Variants in ABLIM1 observed in about 807,000 individuals in gnomAD.
The protein encoded by ABLIM1 is actin-binding LIM protein 1.
Under a neutral mutation model 107.0 loss-of-function variants are expected in ABLIM1, and 40 were observed. That is an observed-to-expected ratio of 0.37 (90% confidence interval 0.29 to 0.49). ABLIM1 has a LOEUF of 0.49. ABLIM1 is among the 20% of genes least tolerant of loss of function. The pLI is 0.97. For missense variants in ABLIM1, 857 were observed against 1,008.5 expected (o/e 0.85, Z 2.04); for synonymous variants, 357 against 357.3 (o/e 1.00, Z 0.01).
intron 1 of ABLIM1, among the ~76,000 whole-genome samples, chr10:114,680,105 G>A (rs7083240): frequency 1 from 152,323 of 152,328 alleles, 76,159 homozygotes; most frequent in Non-Finnish European, 1. Flanking sequence ...TCATAGCACT[G>A]TTCAACGTTA....
At chr10:114,801,095 G>A in the ABLIM1 span, among the ~76,000 whole-genome samples, 2 of 152,010 alleles carry the variant, frequency 1.3e-5, no homozygotes, top group South Asian at 4.1e-4. Context: ...TTATAATAAA[G>A]TAAGCCAGAG....
chr10:114,530,799 G>T (rs538674691), intron 6 of ABLIM1, among the ~76,000 whole-genome samples: 1 of 152,216 alleles, frequency 6.6e-6, no homozygotes, highest in Non-Finnish European at 1.5e-5. Context: ...CTCCCAAAGT[G>T]CTGGGATTAT....
chr10:114,599,915 T>G (rs2075818445), intron 2 of ABLIM1, among the ~76,000 whole-genome samples: 1 of 152,156 alleles, frequency 6.6e-6, no homozygotes, highest in Admixed American at 6.5e-5. Context: ...TCAATAAATT[T>G]ATGAGAAAAA....
intron 1 of ABLIM1, among the ~76,000 whole-genome samples, chr10:114,713,736 A>G (rs2081602225): frequency 6.6e-6 from 1 of 152,182 alleles, no homozygotes; most frequent in Admixed American, 6.5e-5. Flanking sequence ...CTTAAAGAAC[A>G]CTTCACTCCT....
At chr10:114,768,271 C>T (rs1295649510), upstream of ABLIM1, among the ~76,000 whole-genome samples, 1 of 146,664 alleles carries the variant, frequency 6.8e-6, no homozygotes, top group African/African-American at 2.4e-5. Context: ...AGGGACCCGC[C>T]GGGCGCGGCA....
At chr10:114,620,455 G>A (rs1396860025) in intron 1 of ABLIM1, among the ~76,000 whole-genome samples, 1 of 152,098 alleles carries the variant, frequency 6.6e-6, no homozygotes, top group East Asian at 1.9e-4. Context: ...TATCGCCCAG[G>A]CTGGAGTGCA....
chr10:114,672,617 T>A (rs1260042300), intron 1 of ABLIM1, among the ~76,000 whole-genome samples: 1 of 152,246 alleles, frequency 6.6e-6, no homozygotes, highest in Admixed American at 6.5e-5. Context: ...GATGAACAAC[T>A]CCTAATGTTA....
chr10:114,526,827 C>G, intron 6 of ABLIM1: 1 of 985,430 alleles, frequency 1.0e-6, no homozygotes. Context: ...GGCTTCTCTC[C>G]GAAGCTCGGC....
chr10:114,538,745 C>A (rs1344437739), intron 6 of ABLIM1, among the ~76,000 whole-genome samples: 1 of 152,228 alleles, frequency 6.6e-6, no homozygotes, highest in Non-Finnish European at 1.5e-5. Flanking sequence ...TCCCGTGCAG[C>A]CTGGCAGGTG....
intron 1 of ABLIM1, among the ~76,000 whole-genome samples, chr10:114,669,414 G>A (rs1001649031): frequency 2.0e-5 from 3 of 152,116 alleles, no homozygotes; most frequent in Admixed American, 6.6e-5. Flanking sequence ...TCACCTAAGA[G>A]GATGCAGATT....
At chr10:114,795,484 A>C in the ABLIM1 span, among the ~76,000 whole-genome samples, 1,593 of 152,278 alleles carry the variant, frequency 0.01, 17 homozygotes, top group African/African-American at 0.035. Flanking sequence ...AAGTGGGCGG[A>C]TCACCTGAGG....
chr10:114,558,392 C>T (rs2069098096), intron 4 of ABLIM1, among the ~76,000 whole-genome samples: 1 of 152,152 alleles, frequency 6.6e-6, no homozygotes, highest in South Asian at 2.1e-4. Context: ...TTAATACCAA[C>T]TCAGACCCCA....
At chr10:114,641,906 A>T (rs1316008764) in intron 1 of ABLIM1, among the ~76,000 whole-genome samples, 1 of 147,440 alleles carries the variant, frequency 6.8e-6, no homozygotes, top group Non-Finnish European at 1.5e-5. Context: ...GTTTTGAGAC[A>T]AGGTATCACT....
rs144623216 is a variant in ABLIM1, at chr10:114,711,187, C to T, written c.-213+56874G>A. 7.4e-4 allele frequency among the ~76,000 whole-genome samples: 113 copies of T among 152,316 alleles called. 1 individual carries two copies. The East Asian group carries it at 0.011, about 15-fold the overall frequency. On this transcript the variant is annotated intron_variant, in intron 1 of 15. Transcript: ENST00000651092. Reference sequence around the variant, plus strand: ...ATTTCTGGTTGTTACACGTAAGGAACGGAATGGCTTCTGCTTTCCAGGCTC... The same window carrying T: ...ATTTCTGGTTGTTACACGTAAGGAATGGAATGGCTTCTGCTTTCCAGGCTC...
intron 6 of ABLIM1, among the ~76,000 whole-genome samples, chr10:114,534,312 G>A (rs1326771990): frequency 3.9e-5 from 6 of 152,112 alleles, no homozygotes; most frequent in Non-Finnish European, 5.9e-5. Flanking sequence ...GGACTACTCT[G>A]GGGACATCAT....
intron 4 of ABLIM1, among the ~76,000 whole-genome samples, chr10:114,568,307 G>T (rs979001495): frequency 2.0e-5 from 3 of 151,968 alleles, no homozygotes; most frequent in Admixed American, 2.0e-4. Flanking sequence ...CTAGGTGATG[G>T]GTTGACAGGT....
chr10:114,563,689 A>C (rs982660074), intron 4 of ABLIM1, among the ~76,000 whole-genome samples: 1 of 150,958 alleles, frequency 6.6e-6, no homozygotes, highest in African/African-American at 2.4e-5. Flanking sequence ...ACACACGCAA[A>C]AAAAAAATTA....
At chr10:114,590,536 T>C (rs1370878443) in intron 2 of ABLIM1, among the ~76,000 whole-genome samples, 6 of 152,200 alleles carry the variant, frequency 3.9e-5, no homozygotes, top group African/African-American at 1.4e-4. Context: ...TCTACTGAGG[T>C]TCTCCGTACT....
chr10:114,639,652 G>A (rs2078646884), intron 1 of ABLIM1, among the ~76,000 whole-genome samples: 2 of 152,222 alleles, frequency 1.3e-5, no homozygotes, highest in African/African-American at 4.8e-5. Flanking sequence ...CTGCAGCGTT[G>A]CATAGGTTCA....
Sources: gnomAD v4.1 joint callset for allele counts (sites outside exome capture counted in the v4.1 genomes callset) on GRCh38, gnomAD v4.1.1 for gene constraint, MANE v1.5 for transcripts, NCBI Gene and HGNC (gene_info 2026-07-23, HGNC 2026-07-21) for gene names.